TTLL5: variants seen among roughly 807,000 people sequenced by gnomAD.
TTLL5 encodes the protein tubulin polyglutamylase TTLL5.
TTLL5 carries 132 observed loss-of-function variants against 168.4 expected under a neutral mutation model. The observed-to-expected ratio is 0.78, with a 90% CI of 0.68 to 0.91. The LOEUF (loss-of-function observed/expected upper bound fraction) is 0.91. TTLL5 is among the 40% of genes least tolerant of loss of function. The pLI is 0.00. For synonymous variants in TTLL5, 546 were observed against 558.6 expected (o/e 0.98, Z 0.32); for missense variants, 1,545 against 1,581.5 (o/e 0.98, Z 0.39).
chr14:75,716,789 G>A (rs544796207), intron 9 of TTLL5, among the ~76,000 whole-genome samples: 2 of 152,178 alleles, frequency 1.3e-5, no homozygotes, highest in Admixed American at 6.5e-5. Flanking sequence ...TCTTTCCCTG[G>A]TTACTTCCTT....
At chr14:75,797,489 T>A (rs1331158657) in intron 27 of TTLL5, among the ~76,000 whole-genome samples, 3 of 152,142 alleles carry the variant, frequency 2.0e-5, no homozygotes, top group Admixed American at 6.5e-5. Context: ...CTTGTCTTGT[T>A]CCAGTTTTCA....
At chr14:75,805,329 G>A (rs1480672980) in intron 27 of TTLL5, among the ~76,000 whole-genome samples, 1 of 152,142 alleles carries the variant, frequency 6.6e-6, no homozygotes, top group Non-Finnish European at 1.5e-5. Context: ...GTTTTTCAGA[G>A]CCACTGGCAT....
intron 29 of TTLL5, among the ~76,000 whole-genome samples, chr14:75,866,338 A>G (rs532714586): frequency 4.2e-4 from 64 of 152,284 alleles, no homozygotes; most frequent in African/African-American, 1.4e-3. Flanking sequence ...TAGCAATGGT[A>G]CTTTTCCAAT....
At chr14:75,854,741 G>GAGTA (rs942324128) in intron 28 of TTLL5, among the ~76,000 whole-genome samples, 5 of 152,136 alleles carry the variant, frequency 3.3e-5, no homozygotes, top group Non-Finnish European at 5.9e-5. Flanking sequence ...TTTCCCTGAT[G>GAGTA]AGTACTGATG....
chr14:75,862,384 A>T lies in TTLL5; in HGVS notation c.3327-1283A>T, dbSNP rs549024630. Among the ~76,000 whole-genome samples, 6 of 152,194 alleles carry T rather than the reference A, an allele frequency of 3.9e-5. No homozygotes were observed. In the East Asian group the frequency reaches 7.7e-4, roughly 20 times the overall value. ...GGATCATTTGGTTATTTTGTGTTTC[A>T]CTTTTTGAGGAACCCCTAAAGTGTT... On this transcript the variant is annotated intron_variant, in intron 28 of 31. Coordinates refer to ENST00000298832, the MANE Select transcript of TTLL5 (RefSeq NM_015072.5).
At chr14:75,723,157 G>A (rs1368063102) in intron 12 of TTLL5, among the ~76,000 whole-genome samples, 4 of 151,874 alleles carry the variant, frequency 2.6e-5, no homozygotes, top group Admixed American at 2.0e-4. Flanking sequence ...ATCTCACTAC[G>A]TTACCCAGTC....
chr14:75,722,605 A>G (rs1039484191), intron 12 of TTLL5, among the ~76,000 whole-genome samples: 7 of 152,068 alleles, frequency 4.6e-5, no homozygotes, highest in African/African-American at 1.7e-4. Context: ...ATTTCTGCCA[A>G]ACCAGAGCTT....
chr14:75,747,172 T>C (rs963555091), intron 17 of TTLL5, among the ~76,000 whole-genome samples: 17 of 152,100 alleles, frequency 1.1e-4, no homozygotes, highest in African/African-American at 4.1e-4. Context: ...TGTGTGTCTC[T>C]AAGGTCATTC....
chr14:75,781,819 G>T (rs1892068454), intron 24 of TTLL5, among the ~76,000 whole-genome samples: 1 of 152,130 alleles, frequency 6.6e-6, no homozygotes, highest in South Asian at 2.1e-4. Flanking sequence ...GCCGGGTGTG[G>T]TGGCAGGCAC....
At chr14:75,731,269 C>T (rs545044562) in intron 12 of TTLL5, among the ~76,000 whole-genome samples, 1 of 151,948 alleles carries the variant, frequency 6.6e-6, no homozygotes, top group East Asian at 1.9e-4. Flanking sequence ...GTAGTGTTTA[C>T]TTCTAGAGAA....
At chr14:75,866,118 C>T (rs1438435332) in intron 29 of TTLL5, among the ~76,000 whole-genome samples, 1 of 152,154 alleles carries the variant, frequency 6.6e-6, no homozygotes, top group East Asian at 1.9e-4. Flanking sequence ...ATTAAATATT[C>T]TAACAGGAAG....
At chr14:75,843,536 T>C (rs1896368226) in intron 28 of TTLL5, among the ~76,000 whole-genome samples, 2 of 152,240 alleles carry the variant, frequency 1.3e-5, no homozygotes, top group South Asian at 4.1e-4. Context: ...TTATTTTTTG[T>C]TGTCAACTAT....
chr14:75,932,992 A>G (rs1000739814), intron 31 of TTLL5, among the ~76,000 whole-genome samples: 1 of 152,252 alleles, frequency 6.6e-6, no homozygotes, highest in Non-Finnish European at 1.5e-5. Flanking sequence ...CAAAGTTTGA[A>G]GCAAAGAAAT....
At chr14:75,903,657 G>A (rs1486737728) in intron 31 of TTLL5, among the ~76,000 whole-genome samples, 1 of 152,018 alleles carries the variant, frequency 6.6e-6, no homozygotes, top group East Asian at 1.9e-4. Flanking sequence ...TAATCGCAAT[G>A]CTTTGGAAAG....
chr14:75,684,036 A>G (rs1884836273), intron 5 of TTLL5: 2 of 213,970 alleles, frequency 9.3e-6, no homozygotes, highest in African/African-American at 4.7e-5. Flanking sequence ...GGCCTCCCAA[A>G]GTGCTGGGAT....
At chr14:75,821,912 C>T (rs912128006) in intron 28 of TTLL5, among the ~76,000 whole-genome samples, 9 of 152,220 alleles carry the variant, frequency 5.9e-5, no homozygotes, top group Non-Finnish European at 1.2e-4. Context: ...TCTTCAAACA[C>T]AAGAGCCAGT....
chr14:75,798,313 G>A (rs146873100), intron 27 of TTLL5, among the ~76,000 whole-genome samples: 2 of 151,752 alleles, frequency 1.3e-5, no homozygotes, highest in East Asian at 3.9e-4. Context: ...TTCTAATTGA[G>A]TTTATTTGGA....
chr14:75,679,524 A>G (rs1884440814), intron 3 of TTLL5, among the ~76,000 whole-genome samples: 1 of 152,232 alleles, frequency 6.6e-6, no homozygotes, highest in Non-Finnish European at 1.5e-5. Context: ...AATTTGTCAC[A>G]GCAGCAAAAG....
chr14:75,712,902 A>T (rs1357490998), intron 9 of TTLL5, among the ~76,000 whole-genome samples: 1 of 152,192 alleles, frequency 6.6e-6, no homozygotes, highest in Non-Finnish European at 1.5e-5. Context: ...CATTGTGGTT[A>T]AAAAGGGGGG....
Sources: gnomAD v4.1 joint callset for allele counts (sites outside exome capture counted in the v4.1 genomes callset) on GRCh38, gnomAD v4.1.1 for gene constraint, MANE v1.5 for transcripts, NCBI Gene and HGNC (gene_info 2026-07-23, HGNC 2026-07-21) for gene names.